The following GPR176 variants were observed in gnomAD, a reference collection of about 807,000 sequenced individuals.
The protein encoded by GPR176 is G protein-coupled receptor 176, also known as G-protein coupled receptor 176.
A neutral mutation model predicts 35.4 loss-of-function variants in GPR176; 26 were observed. That is an observed-to-expected ratio of 0.74 (90% CI 0.54 to 1.02). The LOEUF (loss-of-function observed/expected upper bound fraction) is 1.02, where lower values mean the gene tolerates loss of function less well. GPR176 is among the 50% of genes least tolerant of loss of function. GPR176 has a pLI of 0.00. For missense variants in GPR176, 597 were observed against 665.3 expected (o/e 0.90, Z 1.13); for synonymous variants, 278 against 271.3 (o/e 1.02, Z -0.24).
Position 39,880,462 on chromosome 15 carries a change from T to A in GPR176, c.172+39393A>T, listed in dbSNP as rs143366120. On this transcript the variant is annotated intron_variant, in intron 1 of 2. Coordinates refer to ENST00000561100, the MANE Select transcript of GPR176 (RefSeq NM_007223.3). ...CTCTACATTAGGTGAACTCATCTAC[T>A]CTCATGGTTTGAGCTACCACTCAAT... 3.5e-3 allele frequency among the ~76,000 whole-genome samples: 363 copies of A among 103,294 alleles called. 2 individuals are homozygous for A. Among genetic ancestry groups the A allele is most frequent in the African/African-American group, 0.014 (348 of 25,548 alleles). 67.8% of individuals were successfully genotyped at this position (103,294 alleles called of 152,430 possible).
In GPR176 at chr15:39,824,110, A is replaced by C. The variant is rs536988206; in HGVS notation, c.173-16852T>G. On this transcript the variant is annotated intron_variant, in intron 1 of 2. Coordinates refer to ENST00000561100, the MANE Select transcript of GPR176 (RefSeq NM_007223.3). ...TGGTTCACACAAGAATTGGTTGTTT[A>C]AAAGAGCCTGGCACTTCCTTCTCTC... 3.3e-5 allele frequency among the ~76,000 whole-genome samples: 5 copies of C among 152,244 alleles called. No homozygotes were observed. In the South Asian group the frequency reaches 1.0e-3, roughly 32 times the overall value.
At chr15:39,887,439 C>T (rs1452374510) in intron 1 of GPR176, among the ~76,000 whole-genome samples, 3 of 152,150 alleles carry the variant, frequency 2.0e-5, no homozygotes, top group East Asian at 1.9e-4. Context: ...TGCTGGAATG[C>T]CGCTGTGTAA....
chr15:39,803,405 G>C (rs1384633665), intron 2 of GPR176, among the ~76,000 whole-genome samples: 3 of 148,716 alleles, frequency 2.0e-5, no homozygotes, highest in African/African-American at 5.0e-5. Flanking sequence ...TCAGTCTCTC[G>C]AGCAGCTGGG....
intron 1 of GPR176, among the ~76,000 whole-genome samples, chr15:39,820,602 T>C (rs914733357): frequency 1.1e-4 from 16 of 152,182 alleles, no homozygotes; most frequent in African/African-American, 3.9e-4. Context: ...ATATATATAA[T>C]TCTAGCAGAG....
chr15:39,903,375 A>G (rs1028656790), intron 1 of GPR176, among the ~76,000 whole-genome samples: 15 of 152,244 alleles, frequency 9.9e-5, no homozygotes, highest in Admixed American at 3.9e-4. Context: ...CGTTTTAAAA[A>G]GAAGCAAATT....
intron 1 of GPR176, among the ~76,000 whole-genome samples, chr15:39,899,799 T>C (rs2033222688): frequency 6.6e-6 from 1 of 152,210 alleles, no homozygotes; most frequent in Non-Finnish European, 1.5e-5. Flanking sequence ...TGACAAGGTG[T>C]TATCAAGATA....
chr15:39,887,599 T>TTAA (rs1491549168), intron 1 of GPR176, among the ~76,000 whole-genome samples: 3 of 141,850 alleles, frequency 2.1e-5, no homozygotes, highest in African/African-American at 7.8e-5. Flanking sequence ...AATTTAAATT[T>TTAA]AAAAAAAAAA....
chr15:39,819,556 C>G (rs560335208), intron 1 of GPR176, among the ~76,000 whole-genome samples: 5 of 152,198 alleles, frequency 3.3e-5, no homozygotes, highest in Non-Finnish European at 7.3e-5. Flanking sequence ...CTGATGAGAA[C>G]TACCTTCAAC....
At chr15:39,806,714 C>A (rs978571139) in intron 2 of GPR176, among the ~76,000 whole-genome samples, 1 of 152,204 alleles carries the variant, frequency 6.6e-6, no homozygotes, top group African/African-American at 2.4e-5. Context: ...ACAAATACCA[C>A]CAACTGCAAC....
chr15:39,811,722 C>G (rs1166147069), intron 1 of GPR176, among the ~76,000 whole-genome samples: 1 of 152,104 alleles, frequency 6.6e-6, no homozygotes, highest in Non-Finnish European at 1.5e-5. Flanking sequence ...CAAGACCATC[C>G]TGGCGAACAT....
intron 1 of GPR176, among the ~76,000 whole-genome samples, chr15:39,843,309 A>C (rs2030165011): frequency 2.0e-5 from 3 of 152,174 alleles, no homozygotes; most frequent in Admixed American, 2.0e-4. Flanking sequence ...AAGATAGTAC[A>C]AAATGGCCTC....
intron 1 of GPR176, among the ~76,000 whole-genome samples, chr15:39,897,890 T>C (rs1179086314): frequency 6.6e-6 from 1 of 152,182 alleles, no homozygotes; most frequent in South Asian, 2.1e-4. Flanking sequence ...CAGCTCTCCA[T>C]CTCTATTCCC....
At chr15:39,839,871 T>C (rs930622364) in intron 1 of GPR176, among the ~76,000 whole-genome samples, 2 of 151,906 alleles carry the variant, frequency 1.3e-5, no homozygotes, top group Non-Finnish European at 2.9e-5. Context: ...AACAAACATA[T>C]GAAAAAAAGC....
At position 39,801,843 on chromosome 15, in the gene GPR176, G is replaced by A. The variant is rs768764494; in HGVS notation, c.837C>T (p.Ser279=). The change falls in exon 3 of 3, where the codon AGC becomes AGT. Residue 279 remains serine (S), a synonymous_variant. Transcript: ENST00000561100. ...LSMVMVFILC[S]VPYATLVVYQ... ...AGACGACCAGGGTGGCATAGGGCAC[G>A]CTACACAAGATGAAGACCATCACCA... The A allele has an allele frequency of 6.8e-6, 11 of 1,613,952 alleles. No individual in the cohort carries two copies. The highest frequency in any genetic ancestry group is 2.2e-5 in the East Asian group (1 of 44,878).
intron 1 of GPR176, among the ~76,000 whole-genome samples, chr15:39,873,608 T>C (rs1484293681): frequency 7.1e-6 from 1 of 139,884 alleles, no homozygotes; most frequent in Non-Finnish European, 1.6e-5. Flanking sequence ...AGCCATGGGC[T>C]AGTTTTTCTT....
intron 1 of GPR176, among the ~76,000 whole-genome samples, chr15:39,898,745 A>G (rs1023484085): frequency 6.6e-6 from 1 of 152,146 alleles, no homozygotes; most frequent in Non-Finnish European, 1.5e-5. Context: ...AGACATGATC[A>G]GAGTTGTTGA....
chr15:39,905,583 C>G (rs1372718284), intron 1 of GPR176, among the ~76,000 whole-genome samples: 2 of 151,974 alleles, frequency 1.3e-5, no homozygotes, highest in Non-Finnish European at 1.5e-5. Flanking sequence ...GACAGTAAGA[C>G]CCTGTGTCAG....
intron 1 of GPR176, among the ~76,000 whole-genome samples, chr15:39,847,742 C>CAA (rs34896644): frequency 0.03 from 2,071 of 68,086 alleles, 145 homozygotes; most frequent in African/African-American, 0.057. Flanking sequence ...GACTCTGTCT[C>CAA]AAAAAAAAAA....
At chr15:39,909,323 G>A (rs2033515119) in intron 1 of GPR176, among the ~76,000 whole-genome samples, 2 of 152,142 alleles carry the variant, frequency 1.3e-5, no homozygotes, top group Non-Finnish European at 2.9e-5. Context: ...GTTGGTACAT[G>A]GCAACAGCTT....
Sources: gnomAD v4.1 joint callset for allele counts (sites outside exome capture counted in the v4.1 genomes callset) on GRCh38, gnomAD v4.1.1 for gene constraint, MANE v1.5 for transcripts, NCBI Gene and HGNC (gene_info 2026-07-23, HGNC 2026-07-21) for gene names.